OSER1: variants seen among roughly 807,000 people sequenced by gnomAD.
OSER1 encodes the protein oxidative stress-responsive serine-rich protein 1.
OSER1 carries 15 observed loss-of-function variants against 26.3 expected under a neutral mutation model. The ratio of observed to expected loss-of-function variants is 0.57; its 90% CI spans 0.38 to 0.88. The LOEUF (loss-of-function observed/expected upper bound fraction) is 0.88, where lower values mean the gene tolerates loss of function less well. OSER1 is among the 40% of genes least tolerant of loss of function. OSER1 has a pLI of 0.00. For synonymous variants in OSER1, 127 were observed against 128.2 expected (o/e 0.99, Z 0.07); for missense variants, 313 against 353.9 (o/e 0.88, Z 0.93).
At chr20:44,205,475 A>G (rs1225568374) in intron 2 of OSER1, among the ~76,000 whole-genome samples, 2 of 152,184 alleles carry the variant, frequency 1.3e-5, no homozygotes, top group Non-Finnish European at 2.9e-5. Flanking sequence ...CACCTATAAC[A>G]TCTACTGTGC....
chr20:44,197,779 T>G (rs1386334495), intron 3 of OSER1, 40 bp from the exon 4 acceptor site: 1 of 1,369,998 alleles, frequency 7.3e-7, no homozygotes, highest in African/African-American at 1.5e-5. Flanking sequence ...TGTTGGGATA[T>G]GGAGCTGTCC....
intron 2 of OSER1, among the ~76,000 whole-genome samples, chr20:44,205,025 G>T (rs1015186000): frequency 6.6e-6 from 1 of 151,786 alleles, no homozygotes; most frequent in African/African-American, 2.4e-5. Context: ...TTTTGCAGAC[G>T]GGTTTCACCA....
rs189966751 is a variant in OSER1, at chr20:44,196,384, A to C, written c.*668T>G. On this transcript the variant is annotated 3_prime_UTR_variant, in exon 4 of 4. Coordinates refer to ENST00000255174, the MANE Select transcript of OSER1 (RefSeq NM_016470.8). ...TTCAAATATTACACCCCCTCCCTCCAACTGAAGCAGCCCATTCCAAGCTGC... is the reference window on the plus strand; with the variant it reads ...TTCAAATATTACACCCCCTCCCTCCCACTGAAGCAGCCCATTCCAAGCTGC... 6.6e-6 allele frequency: 1 copy of C among 152,048 alleles called. No homozygotes were observed. Among genetic ancestry groups the C allele is most frequent in the East Asian group, 1.9e-4 (1 of 5,166 alleles). 9.4% of individuals were successfully genotyped at this position (152,048 alleles called of 1,614,324 possible). A position where few individuals can be genotyped will look rare whatever the true frequency, so the allele number is the denominator to read the frequency against.
intron 3 of OSER1, among the ~76,000 whole-genome samples, chr20:44,201,939 T>C (rs1283858469): frequency 6.6e-6 from 1 of 152,196 alleles, no homozygotes; most frequent in East Asian, 1.9e-4. Context: ...CTTCTGAAGA[T>C]ACCAATAATC....
At chr20:44,198,348 G>T (rs1184091510) in intron 3 of OSER1, among the ~76,000 whole-genome samples, 1 of 152,140 alleles carries the variant, frequency 6.6e-6, no homozygotes, top group Non-Finnish European at 1.5e-5. Context: ...AGCCAGGCGC[G>T]GTGGCTCACG....
chr20:44,204,095 A>AT (rs994645656), intron 2 of OSER1, among the ~76,000 whole-genome samples: 1 of 152,140 alleles, frequency 6.6e-6, no homozygotes, highest in African/African-American at 2.4e-5. Flanking sequence ...GTAAACTGTG[A>AT]TTTTTACTTC....
intron 2 of OSER1, 26 bp from the exon 3 acceptor site, chr20:44,203,100 C>A: frequency 8.5e-7 from 1 of 1,179,262 alleles, no homozygotes. Flanking sequence ...AAGTTTACAG[C>A]TACAAAAAAC....
intron 3 of OSER1, among the ~76,000 whole-genome samples, chr20:44,201,848 C>A: frequency 6.6e-6 from 1 of 150,876 alleles, no homozygotes; most frequent in South Asian, 2.1e-4. Flanking sequence ...TGTGTTTAAA[C>A]AATTGGAAAG....
chr20:44,203,003 G>C lies in OSER1; in HGVS notation c.149C>G (p.Thr50Ser). ...AGATGCACATGTGGTTTTAGGTTTG[G>C]TATCATCTGTTGCTGTTCTGACTGG... ...RAPVRTATDD[T>S]KPKTTCASKD... The change falls in exon 3 of 4, where the codon ACC becomes AGC. Residue 50 changes from threonine to serine, a missense_variant. Transcript: ENST00000255174. 1.2e-6 allele frequency: 2 copies of C among 1,613,054 alleles called. No individual in the cohort carries two copies. The highest frequency in any genetic ancestry group is 1.7e-6 in the Non-Finnish European group (2 of 1,179,070).
chr20:44,198,946 G>A (rs1225302836), intron 3 of OSER1, among the ~76,000 whole-genome samples: 1 of 152,162 alleles, frequency 6.6e-6, no homozygotes, highest in African/African-American at 2.4e-5. Context: ...TCATCCCTTC[G>A]TCCAGGGTAT....
intron 1 of OSER1, among the ~76,000 whole-genome samples, chr20:44,210,419 G>A (rs970458942): frequency 1.2e-4 from 18 of 152,244 alleles, no homozygotes; most frequent in African/African-American, 4.3e-4. Context: ...GGAAGCTGCC[G>A]CTGGGCGGGA....
Position 44,197,725 on chromosome 20 carries a change from G to C in OSER1, c.206C>G (p.Ser69Cys). Residue 69 changes from serine (S) to cysteine (C), a missense_variant, in exon 4 of 4, where the codon TCT becomes TGT. Transcript: ENST00000255174. ...CTGAGTTCTCACTGCTCCTCGTGAAGACTTCCTTGTAGACCTAAAGAGGAA... is the reference window on the plus strand; with the variant it reads ...CTGAGTTCTCACTGCTCCTCGTGAACACTTCCTTGTAGACCTAAAGAGGAA... The part of the protein sequence containing the change: ...KDSWHGSTRK[S>C]SRGAVRTQRR... 6.2e-7 allele frequency: 1 copy of C among 1,611,606 alleles called. No individual in the cohort carries two copies. The highest frequency in any genetic ancestry group is 8.5e-7 in the Non-Finnish European group (1 of 1,177,958).
At chr20:44,207,925 C>CT (rs1422274887) in intron 1 of OSER1, among the ~76,000 whole-genome samples, 1 of 152,112 alleles carries the variant, frequency 6.6e-6, no homozygotes, top group Non-Finnish European at 1.5e-5. Flanking sequence ...ACCCTTGAAT[C>CT]TAGTCTCCAA....
At chr20:44,200,129 C>T (rs561486511) in intron 3 of OSER1, among the ~76,000 whole-genome samples, 32 of 152,326 alleles carry the variant, frequency 2.1e-4, no homozygotes, top group African/African-American at 6.7e-4. Flanking sequence ...GTCCAGCGCC[C>T]GCACTAGCTA....
At position 44,195,997 on chromosome 20, in the gene OSER1, TTGC is replaced by T. The variant is rs2072913889; in HGVS notation, c.*1052_*1054del. ...TAAACAAAAGCTTCTGTTAACATTA[TTGC>T]TAACATGGCTAGACACTGTCACTAA... On this transcript the variant is annotated 3_prime_UTR_variant, in exon 4 of 4. Coordinates refer to ENST00000255174, the MANE Select transcript of OSER1 (RefSeq NM_016470.8). 6.6e-6 allele frequency among the ~76,000 whole-genome samples: 1 copy of T among 152,216 alleles called. No individual in the cohort carries two copies. Among genetic ancestry groups the T allele is most frequent in the Admixed American group, 6.5e-5 (1 of 15,280 alleles).
upstream of OSER1, among the ~76,000 whole-genome samples, chr20:44,211,636 A>C (rs2073111553): frequency 6.6e-6 from 1 of 152,210 alleles, no homozygotes; most frequent in South Asian, 2.1e-4. Context: ...GCAGTTCACC[A>C]AAGGAGATGA....
chr20:44,198,872 G>A (rs1209612500), intron 3 of OSER1, among the ~76,000 whole-genome samples: 6 of 151,956 alleles, frequency 3.9e-5, no homozygotes, highest in Admixed American at 2.0e-4. Context: ...TTTACATTGC[G>A]CCCCACTGTG....
chr20:44,198,492 G>A (rs980590014), intron 3 of OSER1, among the ~76,000 whole-genome samples: 6 of 152,048 alleles, frequency 3.9e-5, no homozygotes, highest in African/African-American at 7.2e-5. Context: ...GGTGGTGGGC[G>A]CCTGTAGTCC....
chr20:44,207,770 A>G (rs2232282), intron 1 of OSER1, among the ~76,000 whole-genome samples: 35,547 of 152,170 alleles, frequency 0.23, 6,101 homozygotes, highest in African/African-American at 0.48. Flanking sequence ...ACTATTGTGT[A>G]GACGCACCAC....
Sources: gnomAD v4.1 joint callset for allele counts (sites outside exome capture counted in the v4.1 genomes callset) on GRCh38, gnomAD v4.1.1 for gene constraint, MANE v1.5 for transcripts, NCBI Gene and HGNC (gene_info 2026-07-23, HGNC 2026-07-21) for gene names.